CDC42EP4: variants seen among roughly 807,000 people sequenced by gnomAD.
CDC42EP4 encodes CDC42 effector protein 4, also known as CDC42 effector protein (Rho GTPase binding) 4.
CDC42EP4 carries 6 observed loss-of-function variants against 5.6 expected under a neutral mutation model. That is an observed-to-expected ratio of 1.07 (90% CI 0.59 to 2.12). CDC42EP4 has a LOEUF of 2.12. CDC42EP4 is among the 30% of genes most tolerant of loss of function. The pLI, the probability that CDC42EP4 is intolerant of heterozygous loss-of-function variation, is 0.00. For missense variants in CDC42EP4, 490 were observed against 508.6 expected (o/e 0.96, Z 0.35); for synonymous variants, 230 against 224.2 (o/e 1.03, Z -0.23).
chr17:73,308,446 C>A (rs2062255828), intron 1 of CDC42EP4, among the ~76,000 whole-genome samples: 2 of 152,204 alleles, frequency 1.3e-5, no homozygotes, highest in Non-Finnish European at 2.9e-5. Flanking sequence ...CCCACAGGGA[C>A]AAACTCCTCT....
intron 1 of CDC42EP4, among the ~76,000 whole-genome samples, chr17:73,296,557 G>C (rs1024701126): frequency 6.6e-6 from 1 of 152,122 alleles, no homozygotes; most frequent in Non-Finnish European, 1.5e-5. Flanking sequence ...GAAGACCATA[G>C]ACAACATGGA....
At chr17:73,309,452 C>A (rs932357063) in intron 1 of CDC42EP4, among the ~76,000 whole-genome samples, 1 of 152,144 alleles carries the variant, frequency 6.6e-6, no homozygotes, top group East Asian at 1.9e-4. Context: ...TACATGAGAC[C>A]TCCCTTTGCT....
At position 73,285,492 on chromosome 17, in the gene CDC42EP4, T is replaced by A; in HGVS notation, c.1009A>T (p.Arg337Ter). 6.3e-7 allele frequency: 1 copy of A among 1,598,298 alleles called. No homozygotes were observed. ...AAGGAGAACTCCTTGTCTGGCTGTCTTGAGACAGCAGCCCGGGCCCTGTCC... is the reference window on the plus strand; with the variant it reads ...AAGGAGAACTCCTTGTCTGGCTGTCATGAGACAGCAGCCCGGGCCCTGTCC... The part of the protein sequence containing the change: ...GPDRARAAVS[R>*]QPDKEFSFMD... Residue 337 changes from arginine to a stop codon, truncating the protein, a stop_gained, in exon 2 of 2, where the codon AGA becomes TGA. Coordinates refer to ENST00000335793, the MANE Select transcript of CDC42EP4 (RefSeq NM_012121.5). LOFTEE classifies it high-confidence loss of function. The surrounding 1 kb of genome is among the most constrained non-coding windows in gnomAD (Gnocchi z 6.8).
Position 73,284,313 on chromosome 17 carries a change from A to T in CDC42EP4, c.*1117T>A, listed in dbSNP as rs2062117519. The T allele has an allele frequency of 6.6e-6, 1 of 152,160 alleles. No homozygotes were observed. Among genetic ancestry groups the T allele is most frequent in the Non-Finnish European group, 1.5e-5 (1 of 68,034 alleles). The allele number at this position is 152,160 out of a possible 1,614,324, so 9.4% of individuals were successfully genotyped here. A position where few individuals can be genotyped will look rare whatever the true frequency, so the allele number is the denominator to read the frequency against. ...GGGAGGGAGGGAATAACTCAGCCAA[A>T]AAGAAAAAAAAGGCTTTCCCCCCAT... On this transcript the variant is annotated 3_prime_UTR_variant, in exon 2 of 2. Transcript: ENST00000335793.
intron 1 of CDC42EP4, among the ~76,000 whole-genome samples, chr17:73,304,335 G>C (rs2062234417): frequency 6.8e-6 from 1 of 146,426 alleles, no homozygotes; most frequent in Admixed American, 7.0e-5. Context: ...GGAGTACACT[G>C]TAGCAGTGCA....
chr17:73,309,980 G>C (rs942603329), intron 1 of CDC42EP4: 1 of 152,504 alleles, frequency 6.6e-6, no homozygotes, highest in Non-Finnish European at 1.5e-5. Flanking sequence ...GGCAGTTGAT[G>C]AGAGCAGGAA....
intron 1 of CDC42EP4, chr17:73,310,755 A>T (rs1461118994): frequency 7.2e-5 from 4 of 55,378 alleles, no homozygotes; most frequent in Middle Eastern, 0.011. Flanking sequence ...ACACACACAC[A>T]CACACACACA....
chr17:73,303,792 C>T (rs1056385611), intron 1 of CDC42EP4, among the ~76,000 whole-genome samples: 1 of 152,194 alleles, frequency 6.6e-6, no homozygotes, highest in Non-Finnish European at 1.5e-5. Context: ...GCTAGTCCCA[C>T]TGATCATCCT....
intron 1 of CDC42EP4, among the ~76,000 whole-genome samples, chr17:73,308,239 C>T (rs913976884): frequency 2.6e-5 from 4 of 152,164 alleles, no homozygotes; most frequent in Non-Finnish European, 5.9e-5. Context: ...CTCAAAGTGT[C>T]CCCAGCTCCA....
In CDC42EP4 at chr17:73,286,285, T is replaced by A; in HGVS notation, c.216A>T (p.Ser72=). Residue 72 remains serine, a synonymous_variant, in exon 2 of 2, where the codon TCA becomes TCT. Coordinates refer to ENST00000335793, the MANE Select transcript of CDC42EP4 (RefSeq NM_012121.5). This position sits in a 1 kb window ranked among gnomAD's most constrained non-coding sequence, Gnocchi z 7.7. ...GESLDEQPSS[S]SSKRSLLSRK... ...TGGACAGGAGACTGCGTTTGGAAGA[T>A]GAAGAAGAGGGCTGTTCGTCCAAGG... 3 of 1,614,198 alleles carry A rather than the reference T, an allele frequency of 1.9e-6. No individual in the cohort carries two copies. Among genetic ancestry groups the A allele is most frequent in the Non-Finnish European group, 2.5e-6 (3 of 1,180,030 alleles).
At chr17:73,308,980 G>T (rs2062258917) in intron 1 of CDC42EP4, among the ~76,000 whole-genome samples, 1 of 131,792 alleles carries the variant, frequency 7.6e-6, no homozygotes, top group East Asian at 2.3e-4. Context: ...GGAGGATGCA[G>T]TGAGCCAAGA....
intron 1 of CDC42EP4, among the ~76,000 whole-genome samples, chr17:73,305,917 G>T (rs1364504432): frequency 6.6e-6 from 1 of 152,118 alleles, no homozygotes; most frequent in Non-Finnish European, 1.5e-5. Flanking sequence ...AGGGGGAAGG[G>T]TCCCCCAAGC....
At chr17:73,290,908 G>A (rs995485567) in intron 1 of CDC42EP4, among the ~76,000 whole-genome samples, 8 of 152,216 alleles carry the variant, frequency 5.3e-5, no homozygotes, top group African/African-American at 1.9e-4. Flanking sequence ...ACTCACCAGA[G>A]AAGCTGCAGG....
At chr17:73,303,060 T>C (rs1242251904) in intron 1 of CDC42EP4, among the ~76,000 whole-genome samples, 1 of 105,822 alleles carries the variant, frequency 9.4e-6, no homozygotes, top group South Asian at 2.8e-4. Flanking sequence ...AAAAAGATAA[T>C]TGGCCAGGCG....
Position 73,286,242 on chromosome 17 carries a change from T to C in CDC42EP4, c.259A>G (p.Lys87Glu). 6.2e-7 allele frequency: 1 copy of C among 1,614,202 alleles called. No individual in the cohort carries two copies. The highest frequency in any genetic ancestry group is 8.5e-7 in the Non-Finnish European group (1 of 1,180,032). Residue 87 changes from lysine (K) to glutamate (E), a missense_variant, in exon 2 of 2, where the codon AAG becomes GAG. Lys to Glu is a moderately conservative substitution (Grantham distance 56). Transcript: ENST00000335793. The surrounding 1 kb of genome is among the most constrained non-coding windows in gnomAD (Gnocchi z 7.7). Reference sequence around the variant, plus strand: ...CCCCTGGTCACCGACTGTGACCGCTTGCTGCCCCGGAACTTCCTGGACAGG... The same window carrying C: ...CCCCTGGTCACCGACTGTGACCGCTCGCTGCCCCGGAACTTCCTGGACAGG... ...SLLSRKFRGS[K>E]RSQSVTRGER...
chr17:73,288,559 G>A (rs772655144), intron 1 of CDC42EP4, among the ~76,000 whole-genome samples: 35 of 152,014 alleles, frequency 2.3e-4, no homozygotes, highest in Non-Finnish European at 4.9e-4. Flanking sequence ...GAGCCACCGC[G>A]CCTGGTCCAT....
chr17:73,303,454 G>T (rs1336215042), intron 1 of CDC42EP4, among the ~76,000 whole-genome samples: 1 of 152,032 alleles, frequency 6.6e-6, no homozygotes, highest in Non-Finnish European at 1.5e-5. Context: ...TTGAAGTCAG[G>T]GGTTCAACCC....
chr17:73,298,948 C>G (rs1197336476), intron 1 of CDC42EP4, among the ~76,000 whole-genome samples: 1 of 151,980 alleles, frequency 6.6e-6, no homozygotes. Flanking sequence ...TTTACTCACT[C>G]TCACATCTCA....
chr17:73,298,227 C>A (rs986472431), intron 1 of CDC42EP4, among the ~76,000 whole-genome samples: 7 of 152,142 alleles, frequency 4.6e-5, no homozygotes, highest in African/African-American at 1.2e-4. Flanking sequence ...CCAAGCCAGA[C>A]ACGTTTATTA....
Sources: gnomAD v4.1 joint callset for allele counts (sites outside exome capture counted in the v4.1 genomes callset) on GRCh38, gnomAD v4.1.1 for gene constraint, Gnocchi (gnomAD v3.1) non-coding constraint, MANE v1.5 for transcripts, NCBI Gene and HGNC (gene_info 2026-07-23, HGNC 2026-07-21) for gene names.